TRPS1: variants seen among roughly 807,000 people sequenced by gnomAD.
TRPS1 encodes the protein zinc finger transcription factor Trps1.
Under a neutral mutation model 101.2 loss-of-function variants are expected in TRPS1, and 6 were observed. The ratio of observed to expected loss-of-function variants is 0.06; its 90% confidence interval spans 0.03 to 0.12. TRPS1 has a LOEUF of 0.12. TRPS1 is among the 10% of genes least tolerant of loss of function. The probability of loss-of-function intolerance (pLI) is 1.00; values close to 1 mark genes in which losing one functional copy is unlikely to be tolerated. For synonymous variants in TRPS1, 578 were observed against 589.8 expected (o/e 0.98, Z 0.29); for missense variants, 1,363 against 1,567.0 (o/e 0.87, Z 2.20).
intron 5 of TRPS1, among the ~76,000 whole-genome samples, chr8:115,585,042 C>T (rs1229453559): frequency 1.3e-5 from 2 of 152,128 alleles, no homozygotes; most frequent in Non-Finnish European, 2.9e-5. Flanking sequence ...TTTATCAGAT[C>T]TCTGAAATTT....
chr8:115,482,462 ATACT>A (rs1320096578), intron 5 of TRPS1, among the ~76,000 whole-genome samples: 6 of 152,216 alleles, frequency 3.9e-5, no homozygotes, highest in African/African-American at 1.4e-4. Context: ...AATATCTAAA[ATACT>A]TAAAGTAAAA....
At chr8:115,649,314 C>A (rs755082864) in intron 1 of TRPS1, among the ~76,000 whole-genome samples, 6 of 152,292 alleles carry the variant, frequency 3.9e-5, no homozygotes, top group Non-Finnish European at 7.4e-5. Flanking sequence ...TTGGAAGATA[C>A]AGCAACTCAA....
At chr8:115,489,699 T>C (rs1184606717) in intron 5 of TRPS1, among the ~76,000 whole-genome samples, 12 of 152,132 alleles carry the variant, frequency 7.9e-5, no homozygotes, top group Admixed American at 7.9e-4. Flanking sequence ...TAAATATTAT[T>C]AGAAATATAC....
At chr8:115,537,686 T>G (rs181319188) in intron 5 of TRPS1, among the ~76,000 whole-genome samples, 1 of 152,344 alleles carries the variant, frequency 6.6e-6, no homozygotes, top group African/African-American at 2.4e-5. Flanking sequence ...TATGTTAAGA[T>G]ACTAAAATAT....
intron 5 of TRPS1, among the ~76,000 whole-genome samples, chr8:115,535,128 C>T (rs964284994): frequency 6.9e-6 from 1 of 145,088 alleles, no homozygotes; most frequent in Non-Finnish European, 1.5e-5. Context: ...ATATGTATAG[C>T]ATATATATAG....
At chr8:115,476,014 T>TAAG (rs1586312131) in intron 5 of TRPS1, among the ~76,000 whole-genome samples, 1 of 52,822 alleles carries the variant, frequency 1.9e-5, no homozygotes, top group Admixed American at 1.8e-4. Context: ...TCTTTTTTTT[T>TAAG]TTTTTTTTTT....
intron 1 of TRPS1, among the ~76,000 whole-genome samples, chr8:115,632,122 A>T (rs1378058940): frequency 6.6e-6 from 1 of 152,144 alleles, no homozygotes; most frequent in Non-Finnish European, 1.5e-5. Flanking sequence ...TACCATAATC[A>T]GTAAAATGAA....
chr8:115,606,745 T>A (rs936672398), intron 3 of TRPS1, among the ~76,000 whole-genome samples: 2 of 149,662 alleles, frequency 1.3e-5, no homozygotes, highest in Admixed American at 1.3e-4. Context: ...TAATTCATAA[T>A]ATTGTAAAAA....
intron 5 of TRPS1, among the ~76,000 whole-genome samples, chr8:115,534,134 GCT>G (rs1236059387): frequency 2.6e-5 from 4 of 151,818 alleles, no homozygotes; most frequent in Non-Finnish European, 5.9e-5. Context: ...GGAGGCTGAA[GCT>G]CTAACCCTGA....
At chr8:115,470,130 T>A (rs540871915) in intron 5 of TRPS1, among the ~76,000 whole-genome samples, 2 of 152,238 alleles carry the variant, frequency 1.3e-5, no homozygotes, top group Admixed American at 1.3e-4. Context: ...TTCTCTTTGA[T>A]GCATTTGCCT....
intron 5 of TRPS1, among the ~76,000 whole-genome samples, chr8:115,559,172 C>T (rs1816892116): frequency 6.6e-6 from 1 of 152,038 alleles, no homozygotes; most frequent in Admixed American, 6.6e-5. Context: ...ATGTCTTCTC[C>T]ATTTATGCTA....
At chr8:115,624,711 T>C (rs181396453) in intron 1 of TRPS1, among the ~76,000 whole-genome samples, 8 of 152,046 alleles carry the variant, frequency 5.3e-5, no homozygotes, top group Admixed American at 3.3e-4. Context: ...CTATTTCTGT[T>C]ACCGTATAAT....
At position 115,603,491 on chromosome 8, in the gene TRPS1, T is replaced by A. The variant is rs527999715; in HGVS notation, c.2096+382A>T. The stretch of plus-strand genomic sequence containing the variant: ...AGAATAGGATATATTTACAATAGCA[T>A]CTTTCATTTAGCTCTGTCAAAAAAA... On this transcript the variant is annotated intron_variant, in intron 4 of 6. Transcript: ENST00000395715. 2.8e-4 allele frequency among the ~76,000 whole-genome samples: 43 copies of A among 152,320 alleles called. No homozygotes were observed. The South Asian group carries it at 8.5e-3, about 30-fold the overall frequency.
At chr8:115,427,364 C>T (rs1367352661) in intron 5 of TRPS1, among the ~76,000 whole-genome samples, 2 of 152,066 alleles carry the variant, frequency 1.3e-5, no homozygotes, top group African/African-American at 2.4e-5. Context: ...CTATCTTTGT[C>T]CCTTTTTAAA....
intron 1 of TRPS1, among the ~76,000 whole-genome samples, chr8:115,628,225 C>T (rs934304321): frequency 1.3e-5 from 2 of 151,772 alleles, no homozygotes; most frequent in Non-Finnish European, 3.0e-5. Flanking sequence ...ATGGCCTGCA[C>T]CCATCTGAGA....
At chr8:115,665,044 A>G (rs1287914653) in intron 1 of TRPS1, among the ~76,000 whole-genome samples, 1 of 152,166 alleles carries the variant, frequency 6.6e-6, no homozygotes, top group African/African-American at 2.4e-5. Flanking sequence ...GTTGTTGTAC[A>G]CGTAATAGCA....
At chr8:115,473,079 A>G (rs1814512351) in intron 5 of TRPS1, among the ~76,000 whole-genome samples, 1 of 152,106 alleles carries the variant, frequency 6.6e-6, no homozygotes, top group South Asian at 2.1e-4. Context: ...AGTTTCTTCC[A>G]CATTTTTCAG....
intron 5 of TRPS1, among the ~76,000 whole-genome samples, chr8:115,562,494 C>T (rs1816968628): frequency 1.4e-5 from 2 of 145,504 alleles, no homozygotes; most frequent in South Asian, 2.1e-4. Context: ...AACAGTTGGT[C>T]AGTGTGATTG....
chr8:115,532,922 C>A (rs143401223), intron 5 of TRPS1, among the ~76,000 whole-genome samples: 114 of 152,232 alleles, frequency 7.5e-4, no homozygotes, highest in African/African-American at 2.6e-3. Context: ...AAAGGTTACT[C>A]TGTTGGCAGA....
Sources: gnomAD v4.1 joint callset for allele counts (sites outside exome capture counted in the v4.1 genomes callset) on GRCh38, gnomAD v4.1.1 for gene constraint, MANE v1.5 for transcripts, NCBI Gene and HGNC (gene_info 2026-07-23, HGNC 2026-07-21) for gene names.